The following ATP10A variants were observed in gnomAD, a reference collection of about 807,000 sequenced individuals.
ATP10A encodes ATPase phospholipid transporting 10A (putative).
A neutral mutation model predicts 147.8 loss-of-function variants in ATP10A; 111 were observed. The observed-to-expected ratio is 0.75, with a 90% CI of 0.64 to 0.88. The LOEUF (loss-of-function observed/expected upper bound fraction) is 0.88. ATP10A is among the 40% of genes least tolerant of loss of function. ATP10A has a pLI of 0.00. For synonymous variants in ATP10A, 875 were observed against 841.6 expected, an observed-to-expected ratio of 1.04 and a Z score of -0.69; for missense variants, 1,927 against 1,959.0, an observed-to-expected ratio of 0.98 and a Z score of 0.31.
chr15:25,693,331 T>G (rs1394382472), intron 14 of ATP10A, among the ~76,000 whole-genome samples: 2 of 152,116 alleles, frequency 1.3e-5, no homozygotes, highest in African/African-American at 2.4e-5. Context: ...CATGTGCTGA[T>G]GTTCTTATGG....
intron 15 of ATP10A, among the ~76,000 whole-genome samples, chr15:25,690,548 T>A (rs1339401296): frequency 2.0e-5 from 3 of 152,240 alleles, no homozygotes; most frequent in Non-Finnish European, 4.4e-5. Flanking sequence ...CCCGCTTTAA[T>A]TTTTTCGATA....
intron 1 of ATP10A, among the ~76,000 whole-genome samples, chr15:25,835,213 A>G (rs1892539566): frequency 6.6e-6 from 1 of 152,102 alleles, no homozygotes; most frequent in African/African-American, 2.4e-5. Context: ...CCAGGTTCCA[A>G]TAAGTGATGA....
intron 1 of ATP10A, among the ~76,000 whole-genome samples, chr15:25,800,696 C>G (rs962582824): frequency 2.0e-5 from 3 of 152,212 alleles, no homozygotes; most frequent in African/African-American, 7.2e-5. Flanking sequence ...CATGCAAACT[C>G]AGCTTAGCTT....
chr15:25,782,145 TA>T (rs1400224817), intron 1 of ATP10A, among the ~76,000 whole-genome samples: 2 of 152,182 alleles, frequency 1.3e-5, no homozygotes, highest in African/African-American at 4.8e-5. Context: ...TTGTGCCAAG[TA>T]AAATGAGCCA....
chr15:25,863,785 G>A (rs1597017679), upstream of ATP10A: 1 of 152,238 alleles, frequency 6.6e-6, no homozygotes, highest in East Asian at 1.9e-4. Context: ...GGGGAGCCCT[G>A]GGAAGGGCGA....
At chr15:25,682,081 A>T (rs1899451393) in intron 17 of ATP10A, among the ~76,000 whole-genome samples, 1 of 149,400 alleles carries the variant, frequency 6.7e-6, no homozygotes, top group Non-Finnish European at 1.5e-5. Flanking sequence ...AAAAAAGATG[A>T]AACTGCTTTC....
chr15:25,715,041 G>C (rs563929720), intron 9 of ATP10A, among the ~76,000 whole-genome samples: 24 of 152,080 alleles, frequency 1.6e-4, no homozygotes, highest in Admixed American at 4.6e-4. Flanking sequence ...TAGGGCAACA[G>C]AGCCACGCTT....
chr15:25,838,921 G>T (rs1439468707), intron 1 of ATP10A, among the ~76,000 whole-genome samples: 1 of 152,162 alleles, frequency 6.6e-6, no homozygotes, highest in Admixed American at 6.5e-5. Flanking sequence ...CACCTGCCCC[G>T]AGTTCACTGT....
In ATP10A at chr15:25,679,129, C is replaced by T. The variant is rs1899217134; in HGVS notation, c.*212G>A. On this transcript the variant is annotated 3_prime_UTR_variant, in exon 21 of 21. Transcript: ENST00000555815. ...TTTTCAAGTGTTACTCTTCTTTAAACTTTTATATATGTTAAGGCTCTTCTT... is the reference window on the plus strand; with the variant it reads ...TTTTCAAGTGTTACTCTTCTTTAAATTTTTATATATGTTAAGGCTCTTCTT... 1 of 283,098 alleles carries T rather than the reference C, an allele frequency of 3.5e-6. No homozygotes were observed. Among genetic ancestry groups the T allele is most frequent in the Non-Finnish European group, 6.2e-6 (1 of 161,728 alleles). 17.5% of individuals were successfully genotyped at this position (283,098 alleles called of 1,614,324 possible).
At chr15:25,858,574 G>A (rs1893619533) in intron 1 of ATP10A, among the ~76,000 whole-genome samples, 1 of 152,134 alleles carries the variant, frequency 6.6e-6, no homozygotes, top group Non-Finnish European at 1.5e-5. Context: ...TGAAGGGCAG[G>A]GGACACGGGT....
At chr15:25,761,719 C>T (rs1217868554) in intron 2 of ATP10A, among the ~76,000 whole-genome samples, 1 of 152,226 alleles carries the variant, frequency 6.6e-6, no homozygotes, top group Non-Finnish European at 1.5e-5. Flanking sequence ...CCAACCTCTC[C>T]CATTTGGAAT....
chr15:25,854,399 T>G (rs1893420032), intron 1 of ATP10A, among the ~76,000 whole-genome samples: 1 of 152,194 alleles, frequency 6.6e-6, no homozygotes, highest in East Asian at 1.9e-4. Flanking sequence ...ACAGCTGTTC[T>G]AAGAATTCTA....
At chr15:25,804,661 A>G (rs12908403) in intron 1 of ATP10A, among the ~76,000 whole-genome samples, 104,924 of 152,024 alleles carry the variant, frequency 0.69, 38,337 homozygotes, top group East Asian at 0.96. Context: ...GGTGCCTGGA[A>G]AAGCATCTCA....
chr15:25,726,451 T>TC (rs1236873679), intron 4 of ATP10A, among the ~76,000 whole-genome samples: 1 of 151,310 alleles, frequency 6.6e-6, no homozygotes, highest in African/African-American at 2.4e-5. Context: ...TTTTTTCTTT[T>TC]TTTTTTTTGA....
intron 2 of ATP10A, among the ~76,000 whole-genome samples, chr15:25,777,877 G>T (rs1231039179): frequency 6.7e-6 from 1 of 150,278 alleles, no homozygotes; most frequent in Non-Finnish European, 1.5e-5. Context: ...CTCCCAAAGT[G>T]CTGGGATTAT....
At chr15:25,721,937 A>ACG (rs749175505) in intron 6 of ATP10A, 28 bp from the exon 7 acceptor site, 1 of 1,600,408 alleles carries the variant, frequency 6.2e-7, no homozygotes, top group South Asian at 1.1e-5. Flanking sequence ...CACAGGATGA[A>ACG]TGACCGTGAG....
chr15:25,749,410 T>C (rs1325653322), intron 2 of ATP10A, among the ~76,000 whole-genome samples: 1 of 152,172 alleles, frequency 6.6e-6, no homozygotes, highest in Non-Finnish European at 1.5e-5. Flanking sequence ...CCAGCCACAC[T>C]GGAAAAACTA....
chr15:25,803,328 C>A (rs1481591185), intron 1 of ATP10A, among the ~76,000 whole-genome samples: 1 of 152,228 alleles, frequency 6.6e-6, no homozygotes, highest in Non-Finnish European at 1.5e-5. Flanking sequence ...TCTGTTGGTT[C>A]TGCTGAGCAC....
rs780350810 is a variant in ATP10A, at chr15:25,716,966, C to T, written c.1582-42G>A. ...CTGGCAGTGAGTCCCACCCAGTAGC[C>T]TGCCGAGGATCTTGGGGCGTGACTA... On this transcript the variant is annotated intron_variant, in intron 8 of 20. Transcript: ENST00000555815. The T allele has an allele frequency of 3.4e-6, 5 of 1,475,820 alleles. No homozygotes were observed. In the East Asian group the frequency reaches 1.2e-4, roughly 36 times the overall value. The allele number at this position is 1,475,820 out of a possible 1,614,324, so 91.4% of individuals were successfully genotyped here.
Sources: gnomAD v4.1 joint callset for allele counts (sites outside exome capture counted in the v4.1 genomes callset) on GRCh38, gnomAD v4.1.1 for gene constraint, MANE v1.5 for transcripts, NCBI Gene and HGNC (gene_info 2026-07-23, HGNC 2026-07-21) for gene names.